Variants in NRXN3 observed in about 807,000 individuals in gnomAD.
NRXN3 encodes the protein neurexin 3.
In NRXN3, 32 loss-of-function variants were observed where a neutral mutation model predicts 137.6. That is an observed-to-expected ratio of 0.23 (90% CI 0.18 to 0.31). The LOEUF is 0.31. NRXN3 is among the 10% of genes least tolerant of loss of function. The pLI, the probability that NRXN3 is intolerant of heterozygous loss-of-function variation, is 1.00. For missense variants in NRXN3, 1,574 were observed against 2,062.5 expected, an observed-to-expected ratio of 0.76 and a Z score of 4.59; for synonymous variants, 798 against 784.5, an observed-to-expected ratio of 1.02 and a Z score of -0.29.
At chr14:79,428,175 C>A (rs1297196436) in intron 15 of NRXN3, among the ~76,000 whole-genome samples, 1 of 152,136 alleles carries the variant, frequency 6.6e-6, no homozygotes, top group East Asian at 1.9e-4. Context: ...CCCATCTAAC[C>A]TTGATTAAAG....
rs140082521 is a variant in NRXN3, at chr14:79,564,215, A to G, written c.3444+96813A>G. Among the ~76,000 whole-genome samples, 705 of 151,996 alleles carry G rather than the reference A, an allele frequency of 4.6e-3. 6 individuals are homozygous for G. The highest frequency in any genetic ancestry group is 0.016 in the African/African-American group (675 of 41,486). Reference sequence around the variant, plus strand: ...CTAGGTTCTAAGTATTTTTCTTTGCATAGTGGTTTGAGGGCGAGTCAAGTT... The same window carrying G: ...CTAGGTTCTAAGTATTTTTCTTTGCGTAGTGGTTTGAGGGCGAGTCAAGTT... On this transcript the variant is annotated intron_variant, in intron 16 of 20. Coordinates refer to ENST00000335750, the MANE Select transcript of NRXN3 (RefSeq NM_001330195.2).
chr14:78,789,444 G>T (rs901744947), intron 8 of NRXN3, among the ~76,000 whole-genome samples: 7 of 152,076 alleles, frequency 4.6e-5, no homozygotes, highest in African/African-American at 1.4e-4. Flanking sequence ...GGAGGCCAGG[G>T]ATACCGCTAG....
intron 16 of NRXN3, among the ~76,000 whole-genome samples, chr14:79,564,613 A>C (rs2097530704): frequency 6.6e-6 from 1 of 152,164 alleles, no homozygotes; most frequent in African/African-American, 2.4e-5. Flanking sequence ...CATTCTTGGA[A>C]TACATTCTTG....
chr14:78,458,097 A>G (rs2094803403), intron 4 of NRXN3, among the ~76,000 whole-genome samples: 1 of 152,190 alleles, frequency 6.6e-6, no homozygotes, highest in African/African-American at 2.4e-5. Context: ...AGGGAGACCT[A>G]ACTATCCTGG....
At chr14:78,467,426 A>C (rs1018055666) in intron 4 of NRXN3, among the ~76,000 whole-genome samples, 2 of 152,252 alleles carry the variant, frequency 1.3e-5, no homozygotes, top group African/African-American at 4.8e-5. Flanking sequence ...GTATTAATTT[A>C]ATAGACCCAT....
chr14:79,346,457 G>A (rs962241512), intron 15 of NRXN3, among the ~76,000 whole-genome samples: 2 of 151,968 alleles, frequency 1.3e-5, no homozygotes, highest in African/African-American at 4.8e-5. Context: ...ATAAGATAAG[G>A]TGAGATAAGA....
intron 15 of NRXN3, among the ~76,000 whole-genome samples, chr14:79,023,642 A>G (rs2099593482): frequency 2.0e-5 from 3 of 152,258 alleles, no homozygotes; most frequent in East Asian, 1.9e-4. Flanking sequence ...ACTTACAATC[A>G]TGGTGGAAGG....
intron 10 of NRXN3, among the ~76,000 whole-genome samples, chr14:78,937,974 A>G (rs1193120657): frequency 1.3e-5 from 2 of 152,256 alleles, no homozygotes; most frequent in Non-Finnish European, 2.9e-5. Flanking sequence ...AGCCAGAAAC[A>G]GAGAAAACAG....
chr14:78,641,542 A>G (rs1353000072), intron 4 of NRXN3, among the ~76,000 whole-genome samples: 1 of 152,224 alleles, frequency 6.6e-6, no homozygotes, highest in East Asian at 1.9e-4. Flanking sequence ...GGGGAAAATT[A>G]TTCCATCACT....
At chr14:78,827,485 A>G (rs1171218469) in intron 10 of NRXN3, among the ~76,000 whole-genome samples, 2 of 152,236 alleles carry the variant, frequency 1.3e-5, no homozygotes, top group East Asian at 1.9e-4. Flanking sequence ...TTAAAGAAAA[A>G]ACTGTCCTTT....
At chr14:79,365,725 C>CGAAAAA (rs2093858934) in intron 15 of NRXN3, among the ~76,000 whole-genome samples, 1 of 42,408 alleles carries the variant, frequency 2.4e-5, no homozygotes, top group Admixed American at 3.7e-4. Context: ...GACTCTGTCT[C>CGAAAAA]AAAAAAAAAA....
chr14:78,813,277 G>T (rs547594077), intron 10 of NRXN3, among the ~76,000 whole-genome samples: 1 of 152,114 alleles, frequency 6.6e-6, no homozygotes, highest in Non-Finnish European at 1.5e-5. Context: ...TACATGATCC[G>T]AACTTCTAAG....
intron 15 of NRXN3, among the ~76,000 whole-genome samples, chr14:79,449,495 A>G (rs2153583135): frequency 6.6e-6 from 1 of 152,324 alleles, no homozygotes; most frequent in Non-Finnish European, 1.5e-5. Context: ...TGCTGTTTAG[A>G]TTCTGCAGTG....
intron 15 of NRXN3, among the ~76,000 whole-genome samples, chr14:79,158,341 T>G (rs1184113658): frequency 6.6e-6 from 1 of 151,810 alleles, no homozygotes; most frequent in Non-Finnish European, 1.5e-5. Flanking sequence ...TATCTAATAG[T>G]GAGATTAATG....
chr14:78,435,287 A>G (rs1274294352), intron 4 of NRXN3, among the ~76,000 whole-genome samples: 1 of 152,140 alleles, frequency 6.6e-6, no homozygotes, highest in Non-Finnish European at 1.5e-5. Context: ...ATTGGCCACT[A>G]TTGATTGAGG....
intron 15 of NRXN3, among the ~76,000 whole-genome samples, chr14:79,343,694 A>G (rs1786157071): frequency 6.6e-6 from 1 of 152,228 alleles, no homozygotes; most frequent in Non-Finnish European, 1.5e-5. Context: ...TTTTTGTCCC[A>G]TCAATCTCAG....
chr14:79,138,518 A>G (rs1040812059), intron 15 of NRXN3, among the ~76,000 whole-genome samples: 5 of 152,344 alleles, frequency 3.3e-5, no homozygotes, highest in African/African-American at 9.6e-5. Flanking sequence ...GTGAAGTGCA[A>G]TGACTCTTGA....
rs1047903793 is a variant in NRXN3, at chr14:79,863,314, A to T, written c.*1350A>T. 3.3e-5 allele frequency: 5 copies of T among 150,174 alleles called. No homozygotes were observed. Among genetic ancestry groups the T allele is most frequent in the Admixed American group, 3.3e-4 (5 of 15,026 alleles). The allele number at this position is 150,174 out of a possible 1,614,324, so 9.3% of individuals were successfully genotyped here. A position where few individuals can be genotyped will look rare whatever the true frequency, so the allele number is the denominator to read the frequency against. Reference sequence around the variant, plus strand: ...CACAAAAGGAATTTAATAGTATAATATATATATAAATAAATATATATACAG... The same window carrying T: ...CACAAAAGGAATTTAATAGTATAATTTATATATAAATAAATATATATACAG... On this transcript the variant is annotated 3_prime_UTR_variant, in exon 21 of 21. Transcript: ENST00000335750.
At chr14:78,891,694 G>C (rs535789321) in intron 10 of NRXN3, among the ~76,000 whole-genome samples, 1 of 151,898 alleles carries the variant, frequency 6.6e-6, no homozygotes, top group Non-Finnish European at 1.5e-5. Context: ...TTGAAAAATG[G>C]ATCATAGCAT....
Sources: allele counts gnomAD v4.1 joint callset (sites outside exome capture counted in the v4.1 genomes callset), GRCh38; gene constraint gnomAD v4.1.1; transcripts MANE v1.5; gene names NCBI Gene and HGNC (gene_info 2026-07-23, HGNC 2026-07-21).